Variants in INO80 observed in about 807,000 individuals in gnomAD.
INO80 encodes chromatin-remodeling ATPase INO80.
Under a neutral mutation model 203.4 loss-of-function variants are expected in INO80, and 20 were observed. The observed-to-expected ratio is 0.10, with a 90% CI of 0.07 to 0.14. The LOEUF (loss-of-function observed/expected upper bound fraction) is 0.14, where lower values mean the gene tolerates loss of function less well. Among genes scored for constraint, INO80 ranks in the 10% least tolerant of loss-of-function variants. The pLI is 1.00. For synonymous variants in INO80, 726 were observed against 685.2 expected, an observed-to-expected ratio of 1.06 and a Z score of -0.93; for missense variants, 1,419 against 1,914.4, an observed-to-expected ratio of 0.74 and a Z score of 4.83.
rs2045326438 is a variant in INO80 at position 41,072,002 on chromosome 15, T to G, written c.1452A>C (p.Ala484=). ...CCCCAAACCCAGTGCCAGACTTGTT[T>G]GCTGCCCGTAGGGCAGCTGCTCGAC... is the stretch of plus-strand genomic sequence containing the variant. The part of the protein sequence containing the change: ...KESRAAALRA[A]NKSGTGFGES... The change falls in exon 12 of 36, where the codon GCA becomes GCC. Residue 484 remains alanine, a synonymous_variant. Transcript: ENST00000648947. The G allele has an allele frequency of 1.2e-6, 2 of 1,613,398 alleles. No individual in the cohort carries two copies. Among genetic ancestry groups the G allele is most frequent in the African/African-American group, 1.3e-5 (1 of 74,912 alleles).
chr15:41,046,206 C>CATATATATATAT (rs1160486459), intron 23 of INO80, among the ~76,000 whole-genome samples: 2 of 14,422 alleles, frequency 1.4e-4, no homozygotes, highest in South Asian at 2.5e-3. Flanking sequence ...CGTATACATA[C>CATATATATATAT]ATATATATAT....
In INO80 at chr15:40,982,973, G is replaced by T; in HGVS notation, c.4342C>A (p.Arg1448=). 1 of 1,614,166 alleles carries T rather than the reference G, an allele frequency of 6.2e-7. No homozygotes were observed. Among genetic ancestry groups the T allele is most frequent in the Non-Finnish European group, 8.5e-7 (1 of 1,180,026 alleles). ...CTGCCTGCCGTGGACTTTCGGCTCC[G>T]GCCCTTCCCTGCTCCTTTGGCTGTG... The part of the protein sequence containing the change: ...GSTAKGAGKG[R]SRKSTAGSAA... Residue 1448 remains arginine, a synonymous_variant, in exon 35 of 36, where the codon CGG becomes AGG. Transcript: ENST00000648947.
chr15:40,985,141 G>A (rs1287537874), intron 32 of INO80, among the ~76,000 whole-genome samples, 197 bp downstream of exon 32: 1 of 152,144 alleles, frequency 6.6e-6, no homozygotes, highest in Non-Finnish European at 1.5e-5. Flanking sequence ...GGGTGAGTTT[G>A]TGTGGAGAGT....
rs1230451718 is a variant in INO80 at position 41,048,214 on chromosome 15, T to C, written c.2639A>G (p.Lys880Arg). 6.2e-7 allele frequency: 1 copy of C among 1,611,916 alleles called. No homozygotes were observed. The highest frequency in any genetic ancestry group is 1.1e-5 in the South Asian group (1 of 90,936). Reference sequence around the variant, plus strand: ...TTCCCAAAGATCAAAACACCTACCTTTTCTGTGAAAGAGAGACCGTTGGAT... The same window carrying C: ...TTCCCAAAGATCAAAACACCTACCTCTTCTGTGAAAGAGAGACCGTTGGAT... ...DYIQRSLFHRKGINEESCFSF... is the reference protein window; with the variant it reads ...DYIQRSLFHRRGINEESCFSF... The change falls in exon 22 of 36, where the codon AAA (lysine) becomes AGA (arginine). Residue 880 changes from lysine to arginine, a missense_variant and splice_region_variant. Coordinates refer to ENST00000648947, the MANE Select transcript of INO80 (RefSeq NM_017553.3).
intron 29 of INO80, among the ~76,000 whole-genome samples, chr15:40,989,934 T>C (rs2043794485): frequency 6.6e-6 from 1 of 152,214 alleles, no homozygotes; most frequent in Non-Finnish European, 1.5e-5. Context: ...TTATTGGTCC[T>C]TTCAGGTTTA....
At position 41,070,358 on chromosome 15, in the gene INO80, T is replaced by C. The variant is rs2045290714; in HGVS notation, c.1686+109A>G. 8.4e-6 allele frequency: 8 copies of C among 953,306 alleles called. No individual in the cohort carries two copies. The African/African-American group carries it at 9.9e-5, about 12-fold the overall frequency. 59.1% of individuals were successfully genotyped at this position (953,306 alleles called of 1,614,324 possible). A position where few individuals can be genotyped will look rare whatever the true frequency, so the allele number is the denominator to read the frequency against. ...CTCTGAGGCAAGAACCCAGTCCCAC[T>C]ATCTTGGAATGCTACACAGCTTAAC... On this transcript the variant is annotated intron_variant, in intron 13 of 35. Coordinates refer to ENST00000648947, the MANE Select transcript of INO80 (RefSeq NM_017553.3).
chr15:41,037,141 T>C (rs963059082), intron 24 of INO80, among the ~76,000 whole-genome samples: 4 of 106,550 alleles, frequency 3.8e-5, no homozygotes, highest in Non-Finnish European at 5.4e-5. Context: ...TAAAAATAGA[T>C]TGATTTCTCA....
chr15:41,095,807 T>G lies in INO80; in HGVS notation c.265A>C (p.Ser89Arg). The change falls in exon 3 of 36, where the codon AGT (serine) becomes CGT (arginine). Residue 89 changes from serine to arginine, a missense_variant. Physicochemically the swap from Ser to Arg is moderately radical, Grantham distance 110 (BLOSUM62 -1). Coordinates refer to ENST00000648947, the MANE Select transcript of INO80 (RefSeq NM_017553.3). Reference protein sequence around the residue: ...SLLGETSGAGSSGMLNTYSLN... With the variant: ...SLLGETSGAGRSGMLNTYSLN... ...GAATATGTGTTTAACATTCCAGAAC[T>G]GCCTGCTCCAGAAGTTTCACCAAGC... The G allele has an allele frequency of 6.2e-7, 1 of 1,614,172 alleles. No individual in the cohort carries two copies. Among genetic ancestry groups the G allele is most frequent in the Non-Finnish European group, 8.5e-7 (1 of 1,180,028 alleles).
chr15:41,103,910 G>A (rs564539225), intron 1 of INO80, among the ~76,000 whole-genome samples: 81 of 152,058 alleles, frequency 5.3e-4, no homozygotes, highest in Middle Eastern at 3.4e-3. Flanking sequence ...TTCGCGCAAA[G>A]AGGCTCTTTA....
Position 41,073,633 on chromosome 15 carries a change from G to C in INO80, c.1328-138C>G, listed in dbSNP as rs79154968. On this transcript the variant is annotated intron_variant, in intron 10 of 35. Coordinates refer to ENST00000648947, the MANE Select transcript of INO80 (RefSeq NM_017553.3). The stretch of plus-strand genomic sequence containing the variant: ...TTCACGGAGGGTGGGGGAAGAGAAA[G>C]GCTAAATTCTCAGAGGTAAGAAGCT... 2,316 of 720,820 alleles carry C rather than the reference G, an allele frequency of 3.2e-3. 59 individuals carry two copies. The East Asian group carries it at 0.049, about 15-fold the overall frequency. 44.7% of individuals were successfully genotyped at this position (720,820 alleles called of 1,614,324 possible). A position where few individuals can be genotyped will look rare whatever the true frequency, so the allele number is the denominator to read the frequency against.
At chr15:40,987,030 C>T in intron 31 of INO80, 61 bp downstream of exon 31, 4 of 986,102 alleles carry the variant, frequency 4.1e-6, no homozygotes, top group Non-Finnish European at 6.5e-6. Context: ...TGGCACACAG[C>T]CAAGTACCTC....
At chr15:41,041,058 C>T (rs1173363164) in intron 24 of INO80, among the ~76,000 whole-genome samples, 1 of 152,102 alleles carries the variant, frequency 6.6e-6, no homozygotes, top group Non-Finnish European at 1.5e-5. Context: ...AAGAGACAGA[C>T]AATGCCACAT....
In INO80 at chr15:40,980,154, TC is replaced by T; in HGVS notation, c.*68del. 7.7e-7 allele frequency: 1 copy of T among 1,298,038 alleles called. No homozygotes were observed. Among genetic ancestry groups the T allele is most frequent in the Non-Finnish European group, 1.1e-6 (1 of 895,756 alleles). 80.4% of individuals were successfully genotyped at this position (1,298,038 alleles called of 1,614,324 possible). The stretch of plus-strand genomic sequence containing the variant: ...GCAAGATGCTGCACGGGGCAAGCCA[TC>T]CAAAGACCACTGGCAGGTCAGGACT... On this transcript the variant is annotated 3_prime_UTR_variant, in exon 36 of 36. Transcript: ENST00000648947.
intron 14 of INO80, among the ~76,000 whole-genome samples, chr15:41,065,646 T>C (rs2140574366): frequency 6.6e-6 from 1 of 152,194 alleles, no homozygotes; most frequent in Non-Finnish European, 1.5e-5. Flanking sequence ...CATCAACAGA[T>C]GAATGGATGA....
At chr15:41,072,932 C>T (rs542924110) in intron 11 of INO80, among the ~76,000 whole-genome samples, 2 of 151,922 alleles carry the variant, frequency 1.3e-5, no homozygotes, top group South Asian at 2.1e-4. Flanking sequence ...AAGCGCCCTC[C>T]GCCACCCCCG....
Position 41,108,271 on chromosome 15 carries a change from A to G in INO80, c.-44+7702T>C, listed in dbSNP as rs576788904. ...CATGGTAAGAAAGAAGATGAAGTCA[A>G]GAGCTGTGAGCTGAATCCATTGAAA... is the stretch of plus-strand genomic sequence containing the variant. On this transcript the variant is annotated intron_variant, in intron 1 of 35. Coordinates refer to ENST00000648947, the MANE Select transcript of INO80 (RefSeq NM_017553.3). 1.7e-4 allele frequency among the ~76,000 whole-genome samples: 26 copies of G among 152,142 alleles called. No homozygotes were observed. The East Asian group carries it at 5.1e-3, about 30-fold the overall frequency.
At chr15:41,005,957 A>C (rs1271883160) in intron 27 of INO80, among the ~76,000 whole-genome samples, 1 of 29,684 alleles carries the variant, frequency 3.4e-5, no homozygotes, top group Non-Finnish European at 9.3e-5. Context: ...TGTAGGTTTC[A>C]TTAAAAAAAA....
At chr15:41,078,203 T>A (rs1488866497) in intron 9 of INO80, among the ~76,000 whole-genome samples, 1 of 152,126 alleles carries the variant, frequency 6.6e-6, no homozygotes. Flanking sequence ...CGGCCAAGAA[T>A]AATATCTTTA....
chr15:41,092,885 CTT>C (rs1368721579), intron 4 of INO80, among the ~76,000 whole-genome samples: 1 of 151,994 alleles, frequency 6.6e-6, no homozygotes, highest in African/African-American at 2.4e-5. Flanking sequence ...AATAAGATCT[CTT>C]CTCTACAGAA....
Sources: allele counts gnomAD v4.1 joint callset (sites outside exome capture counted in the v4.1 genomes callset), GRCh38; gene constraint gnomAD v4.1.1; transcripts MANE v1.5; gene names NCBI Gene and HGNC (gene_info 2026-07-23, HGNC 2026-07-21).